Variants in GALNTL6 observed in about 807,000 individuals in gnomAD.
GALNTL6 encodes the protein polypeptide N-acetylgalactosaminyltransferase like 6.
Under a neutral mutation model 73.7 loss-of-function variants are expected in GALNTL6, and 46 were observed. The ratio of observed to expected loss-of-function variants is 0.62; its 90% CI spans 0.49 to 0.80. The LOEUF (loss-of-function observed/expected upper bound fraction) is 0.80, where lower values mean the gene tolerates loss of function less well. GALNTL6 is among the 30% of genes least tolerant of loss of function. The pLI is 0.00. For synonymous variants in GALNTL6, 259 were observed against 263.7 expected, an observed-to-expected ratio of 0.98 and a Z score of 0.17; for missense variants, 604 against 755.0, an observed-to-expected ratio of 0.80 and a Z score of 2.34.
At chr4:172,637,772 C>T (rs1177364864) in intron 5 of GALNTL6, among the ~76,000 whole-genome samples, 1 of 152,156 alleles carries the variant, frequency 6.6e-6, no homozygotes, top group Non-Finnish European at 1.5e-5. Flanking sequence ...AGCTCTGTCA[C>T]TAACAACACT....
intron 5 of GALNTL6, among the ~76,000 whole-genome samples, chr4:172,467,927 C>T (rs1732894811): frequency 7.3e-6 from 1 of 136,550 alleles, no homozygotes; most frequent in Non-Finnish European, 1.5e-5. Context: ...CAGGATCTTG[C>T]TCTGCCACCC....
chr4:172,620,123 G>A (rs1001614297), intron 5 of GALNTL6, among the ~76,000 whole-genome samples: 3 of 152,054 alleles, frequency 2.0e-5, no homozygotes, highest in Non-Finnish European at 4.4e-5. Context: ...AAGATGGTTC[G>A]AGCTTATGTA....
At chr4:172,062,184 G>C (rs6858499) in intron 2 of GALNTL6, among the ~76,000 whole-genome samples, 2,018 of 151,712 alleles carry the variant, frequency 0.013, 35 homozygotes, top group African/African-American at 0.037. Context: ...TTGAATTCCT[G>C]ACCTCATGAT....
intron 2 of GALNTL6, among the ~76,000 whole-genome samples, chr4:172,114,244 ATTTTTG>A (rs1232442223): frequency 6.6e-6 from 1 of 152,068 alleles, no homozygotes; most frequent in Non-Finnish European, 1.5e-5. Flanking sequence ...TAAAACAGGC[ATTTTTG>A]TTAGAAAAGA....
intron 11 of GALNTL6, among the ~76,000 whole-genome samples, chr4:173,014,600 T>A (rs1579783002): frequency 6.6e-6 from 1 of 151,632 alleles, no homozygotes. Context: ...GAAAAAAGAG[T>A]CTCATTATCA....
intron 5 of GALNTL6, among the ~76,000 whole-genome samples, chr4:172,560,991 C>T (rs1324122701): frequency 6.6e-6 from 1 of 152,042 alleles, no homozygotes; most frequent in Non-Finnish European, 1.5e-5. Flanking sequence ...CGGTGGCTCA[C>T]GCCTGTAATC....
At chr4:172,080,937 A>G (rs1731861102) in intron 2 of GALNTL6, among the ~76,000 whole-genome samples, 1 of 152,144 alleles carries the variant, frequency 6.6e-6, no homozygotes, top group East Asian at 1.9e-4. Flanking sequence ...TAGCATACCC[A>G]GTGTTGCCTC....
At chr4:172,387,403 G>GA (rs1442864820) in intron 5 of GALNTL6, among the ~76,000 whole-genome samples, 1 of 151,734 alleles carries the variant, frequency 6.6e-6, no homozygotes, top group Non-Finnish European at 1.5e-5. Context: ...TTTCCTTTTT[G>GA]AAAAATTGAT....
Position 172,069,516 on chromosome 4 carries a change from T to TTATATATAACACA in GALNTL6, c.139-160135_139-160134insATAACACATATAT, listed in dbSNP as rs1491487393. 9.2e-5 allele frequency among the ~76,000 whole-genome samples: 4 copies of TTATATATAACACA among 43,366 alleles called. 2 individuals are homozygous for TTATATATAACACA. In the Admixed American group the frequency reaches 1.1e-3, roughly 12 times the overall value. 28.4% of individuals were successfully genotyped at this position (43,366 alleles called of 152,430 possible). On this transcript the variant is annotated intron_variant, in intron 2 of 12. Transcript: ENST00000506823. ...ATGTTATATGTATAACACATATATG[T>TTATATATAACACA]TATATGTATAACACATATATTATAT...
chr4:172,084,781 A>G (rs1731977432), intron 2 of GALNTL6, among the ~76,000 whole-genome samples: 1 of 152,222 alleles, frequency 6.6e-6, no homozygotes, highest in East Asian at 1.9e-4. Context: ...ATAATGAGTC[A>G]TATACAGGTG....
intron 3 of GALNTL6, among the ~76,000 whole-genome samples, chr4:172,240,784 A>G (rs1462953035): frequency 6.6e-6 from 1 of 152,122 alleles, no homozygotes; most frequent in Non-Finnish European, 1.5e-5. Flanking sequence ...TTGAGTTTTG[A>G]GTTCCTCCTT....
chr4:172,096,205 GTAA>G (rs949887780), intron 2 of GALNTL6, among the ~76,000 whole-genome samples: 3 of 151,982 alleles, frequency 2.0e-5, no homozygotes, highest in African/African-American at 7.3e-5. Context: ...CTAGCCTCAA[GTAA>G]TCCTCCCACC....
At chr4:172,952,316 A>G in intron 10 of GALNTL6, 58 bp downstream of exon 10, 1 of 1,256,646 alleles carries the variant, frequency 8.0e-7, no homozygotes, top group Non-Finnish European at 1.1e-6. Context: ...CCTCCCCCAT[A>G]GCCTCAGGTG....
intron 5 of GALNTL6, among the ~76,000 whole-genome samples, chr4:172,647,836 G>A (rs1372829470): frequency 6.6e-6 from 1 of 151,942 alleles, no homozygotes; most frequent in African/African-American, 2.4e-5. Flanking sequence ...ACCCTACAAT[G>A]GTAATGCATT....
chr4:172,454,925 G>A (rs1732335842), intron 5 of GALNTL6, among the ~76,000 whole-genome samples: 1 of 152,124 alleles, frequency 6.6e-6, no homozygotes, highest in Non-Finnish European at 1.5e-5. Flanking sequence ...TGCCTGGCAA[G>A]ATGGCCAAAT....
chr4:172,650,864 G>A lies in GALNTL6; in HGVS notation c.554-158497G>A, dbSNP rs542218830. Among the ~76,000 whole-genome samples, 5 of 152,268 alleles carry A rather than the reference G, an allele frequency of 3.3e-5. No individual in the cohort carries two copies. In the East Asian group the frequency reaches 9.6e-4, roughly 29 times the overall value. On this transcript the variant is annotated intron_variant, in intron 5 of 12. Coordinates refer to ENST00000506823, the MANE Select transcript of GALNTL6 (RefSeq NM_001034845.3). ...ATAATGTCTAAAAAATTGCATATAT[G>A]AGGCTGAAAAGTTTTCCTAAAGACT...
intron 2 of GALNTL6, among the ~76,000 whole-genome samples, chr4:171,966,910 AT>A (rs1560862833): frequency 6.6e-6 from 1 of 152,224 alleles, no homozygotes; most frequent in African/African-American, 2.4e-5. Flanking sequence ...TTATTAAAAA[AT>A]AAGCAATCTT....
chr4:172,459,569 A>T (rs917627850), intron 5 of GALNTL6, among the ~76,000 whole-genome samples: 1 of 152,214 alleles, frequency 6.6e-6, no homozygotes, highest in African/African-American at 2.4e-5. Context: ...TACATCAATG[A>T]TAGACAAACA....
chr4:172,146,674 T>C (rs1004741160), intron 2 of GALNTL6, among the ~76,000 whole-genome samples: 3 of 152,234 alleles, frequency 2.0e-5, no homozygotes, highest in African/African-American at 7.2e-5. Context: ...TGGTTTATTA[T>C]GCTTTGTCTA....
Sources: gnomAD v4.1 joint callset for allele counts (sites outside exome capture counted in the v4.1 genomes callset) on GRCh38, gnomAD v4.1.1 for gene constraint, MANE v1.5 for transcripts, NCBI Gene and HGNC (gene_info 2026-07-23, HGNC 2026-07-21) for gene names.